The following SFTPB variants were observed in gnomAD, a reference collection of about 807,000 sequenced individuals.
SFTPB encodes pulmonary surfactant-associated protein B.
SFTPB carries 32 observed loss-of-function variants against 51.0 expected under a neutral mutation model. That is an observed-to-expected ratio of 0.63 (90% CI 0.47 to 0.84). The LOEUF is 0.84. Among genes scored for constraint, SFTPB ranks in the 40% least tolerant of loss-of-function variants. The probability of loss-of-function intolerance (pLI) is 0.00; values close to 1 mark genes in which losing one functional copy is unlikely to be tolerated. For missense variants in SFTPB, 431 were observed against 491.2 expected, an observed-to-expected ratio of 0.88 and a Z score of 1.16; for synonymous variants, 211 against 208.5, an observed-to-expected ratio of 1.01 and a Z score of -0.10.
In SFTPB at chr2:85,667,799, C is replaced by G. The variant is rs763238120; in HGVS notation, c.75G>C (p.Trp25Cys). The change falls in exon 2 of 11, where the codon TGG (tryptophan) becomes TGC (cysteine). Residue 25 changes from tryptophan (W) to cysteine (C), a missense_variant. Physicochemically the swap from Trp to Cys is radical, Grantham distance 215 (BLOSUM62 -2). Coordinates refer to ENST00000519937, the MANE Select transcript of SFTPB (RefSeq NM_000542.5). The part of the protein sequence containing the change: ...PTLCGPGTAA[W>C]TTSSLACAQG... ...GGGCACAGGCCAAGGATGAGGTGGT[C>G]CAGGCAGCTGTGGTTTGGGGCCAGA... The G allele has an allele frequency of 1.5e-5, 24 of 1,614,150 alleles. No individual in the cohort carries two copies. The South Asian group carries it at 2.6e-4, about 18-fold the overall frequency.
At chr2:85,668,093 G>C (rs1023285964) in intron 1 of SFTPB, 24 bp downstream of exon 1, 3 of 1,525,060 alleles carry the variant, frequency 2.0e-6, no homozygotes, top group African/African-American at 2.8e-5. Context: ...CTGCCTAGGA[G>C]AGGGGAGGCT....
chr2:85,660,513 G>A (rs541523331), intron 10 of SFTPB, among the ~76,000 whole-genome samples: 3 of 138,124 alleles, frequency 2.2e-5, no homozygotes, highest in Non-Finnish European at 3.0e-5. Flanking sequence ...GCAGTGGCAC[G>A]ATCTCGGCAC....
In SFTPB at chr2:85,663,666, G is replaced by A; in HGVS notation, c.854C>T (p.Pro285Leu). The A allele has an allele frequency of 6.2e-7, 1 of 1,610,926 alleles. No homozygotes were observed. Among genetic ancestry groups the A allele is most frequent in the Non-Finnish European group, 8.5e-7 (1 of 1,178,836 alleles). ...TAAGGAGTGGGCAGTGGGCTCACTTGGGCCAGCGCTGTCATCCATGGAGCA... is the reference window on the plus strand; with the variant it reads ...TAAGGAGTGGGCAGTGGGCTCACTTAGGCCAGCGCTGTCATCCATGGAGCA... ...LRCSMDDSAGPRSPTGEWLPR... is the reference protein window; with the variant it reads ...LRCSMDDSAGLRSPTGEWLPR... The change falls in exon 7 of 11, where the codon CCA (proline) becomes CTA (leucine). Residue 285 changes from proline to leucine, a missense_variant and splice_region_variant. Coordinates refer to ENST00000519937, the MANE Select transcript of SFTPB (RefSeq NM_000542.5).
chr2:85,661,978 G>T, intron 9 of SFTPB, 51 bp downstream of exon 9: 1 of 1,539,624 alleles, frequency 6.5e-7, no homozygotes, highest in Non-Finnish European at 8.8e-7. Context: ...AAGGGTGGGG[G>T]CTCTGGGAGC....
Position 85,665,681 on chromosome 2 carries a change from T to C in SFTPB, c.507A>G (p.Pro169=). The change falls in exon 5 of 11, where the codon CCA becomes CCG. Residue 169 remains proline (P), a synonymous_variant. Transcript: ENST00000519937. ...PLPKPLRDPL[P]DPLLDKLVLP... is the part of the protein sequence containing the mutation. ...GGACGAGCTTGTCCAGCAGAGGGTC[T>C]GGCAGAGGGTCCCGCAGAGGTTTGG... 1 of 1,614,086 alleles carries C rather than the reference T, an allele frequency of 6.2e-7. No individual in the cohort carries two copies. The highest frequency in any genetic ancestry group is 8.5e-7 in the Non-Finnish European group (1 of 1,180,032).
At chr2:85,666,494 TGTG>T in intron 4 of SFTPB, 120 bp downstream of exon 4, 1 of 123,622 alleles carries the variant, frequency 8.1e-6, no homozygotes, top group Non-Finnish European at 1.1e-5. Context: ...GCTTGGGTGC[TGTG>T]TGTGTGTGTG....
chr2:85,665,191 G>C, intron 6 of SFTPB, 98 bp downstream of exon 6: 3 of 942,958 alleles, frequency 3.2e-6, no homozygotes, highest in Non-Finnish European at 5.2e-6. Context: ...CAGCCAGCTG[G>C]GTCCTGACGG....
In SFTPB at chr2:85,663,190, C is replaced by T. The variant is rs377585696; in HGVS notation, c.1002+156G>A. Among the ~76,000 whole-genome samples the T allele has an allele frequency of 4.9e-4, 74 of 152,350 alleles. 2 individuals carry two copies. In the South Asian group the frequency reaches 0.011, roughly 22 times the overall value. ...TAACCTTTAGCAGGCTCTGCCCTAA[C>T]TTACAGTCCCACCATTGTCTGCCCC... On this transcript the variant is annotated intron_variant, in intron 8 of 10. Transcript: ENST00000519937.
Position 85,667,823 on chromosome 2 carries a change from G to A in SFTPB, c.68-17C>T, listed in dbSNP as rs571488978. On this transcript the variant is annotated splice_polypyrimidine_tract_variant and intron_variant, in intron 1 of 10. Transcript: ENST00000519937. The stretch of plus-strand genomic sequence containing the variant: ...TCCAGGCAGCTGTGGTTTGGGGCCA[G>A]AGCAACCTTAATCAGGATCCAGGCT... 705 of 1,614,258 alleles carry A rather than the reference G, an allele frequency of 4.4e-4. 7 individuals are homozygous for A. The South Asian group carries it at 7.3e-3, about 17-fold the overall frequency.
In SFTPB at chr2:85,665,632, G is replaced by A. The variant is rs1186450888; in HGVS notation, c.556C>T (p.Gln186Ter). ...TGTGTGTGAGGCCCAGGCCTCGCCT[G>A]GAGGGCCCCGGGCAGCACAGGGAGG... is the stretch of plus-strand genomic sequence containing the variant. ...LVLPVLPGAL[Q>*]ARPGPHTQDL... The change falls in exon 5 of 11, where the codon CAG (glutamine) becomes TAG (stop). Residue 186 changes from glutamine to a stop codon, truncating the protein, a stop_gained. Coordinates refer to ENST00000519937, the MANE Select transcript of SFTPB (RefSeq NM_000542.5). LOFTEE classifies it high-confidence loss of function. 2.5e-6 allele frequency: 4 copies of A among 1,613,910 alleles called. No homozygotes were observed. In the South Asian group the frequency reaches 4.4e-5, roughly 18 times the overall value.
Position 85,667,169 on chromosome 2 carries a change from T to C in SFTPB, c.204A>G (p.Leu68=), listed in dbSNP as rs770763661. 6 of 1,613,756 alleles carry C rather than the reference T, an allele frequency of 3.7e-6. No homozygotes were observed. The highest frequency in any genetic ancestry group is 5.1e-6 in the Non-Finnish European group (6 of 1,179,674). The change falls in exon 3 of 11, where the codon CTA becomes CTG. Residue 68 remains leucine, a synonymous_variant. Transcript: ENST00000519937. ...GGACGATGTCCTCACACTCTTGGCA[T>C]AGGTCATCCTGGGGAGGGAGGGGCC... is the stretch of plus-strand genomic sequence containing the variant. ...EVWGHVGADD[L]CQECEDIVHI...
At chr2:85,666,800 C>A in intron 3 of SFTPB, 58 bp from the exon 4 acceptor site, 3 of 1,610,746 alleles carry the variant, frequency 1.9e-6, no homozygotes, top group Non-Finnish European at 2.5e-6. Context: ...CCGCCCAAGT[C>A]CCTGGACACA....
chr2:85,661,377 G>T, intron 10 of SFTPB, 77 bp downstream of exon 10: 1 of 1,023,284 alleles, frequency 9.8e-7, no homozygotes, highest in East Asian at 2.6e-5. Flanking sequence ...TCCTGCTTGG[G>T]GAGCAGAAGG....
intron 6 of SFTPB, 114 bp downstream of exon 6, chr2:85,665,175 T>C (rs139793973): frequency 5.7e-6 from 5 of 872,900 alleles, no homozygotes; most frequent in African/African-American, 3.3e-5. Flanking sequence ...CCCTCCTAAC[T>C]TCTGGCAGCC....
intron 4 of SFTPB, 155 bp downstream of exon 4, chr2:85,666,462 G>T: frequency 1.5e-6 from 1 of 662,526 alleles, no homozygotes. Flanking sequence ...TGGCTGGGGT[G>T]CTGTGTGTTT....
rs35076740 is a variant in SFTPB at position 85,663,485 on chromosome 2, G to T, written c.863C>A (p.Pro288Gln). 1 of 1,613,778 alleles carries T rather than the reference G, an allele frequency of 6.2e-7. No individual in the cohort carries two copies. The highest frequency in any genetic ancestry group is 2.2e-5 in the East Asian group (1 of 44,858). ...SMDDSAGPRSPTGEWLPRDSE... is the reference protein window; with the variant it reads ...SMDDSAGPRSQTGEWLPRDSE... ...GTCTCGCGGCAGCCATTCTCCTGTCGGCGACCCTGGAGATGTGAGCATTAG... is the reference window on the plus strand; with the variant it reads ...GTCTCGCGGCAGCCATTCTCCTGTCTGCGACCCTGGAGATGTGAGCATTAG... Residue 288 changes from proline (P) to glutamine (Q), a missense_variant, in exon 8 of 11, where the codon CCG (proline) becomes CAG (glutamine). Transcript: ENST00000519937.
In SFTPB at chr2:85,659,198, A is replaced by G. The variant is rs1454348159; in HGVS notation, c.*504T>C. 6.6e-6 allele frequency: 1 copy of G among 151,946 alleles called. No homozygotes were observed. Among genetic ancestry groups the G allele is most frequent in the Non-Finnish European group, 1.5e-5 (1 of 68,006 alleles). The allele number at this position is 151,946 out of a possible 1,614,324, so 9.4% of individuals were successfully genotyped here. ...TTTTTTGAAAAAGCTTAACTTAACA[A>G]TTTCTGATGTCTATCTTTTAGAGTT... On this transcript the variant is annotated 3_prime_UTR_variant, in exon 11 of 11. Coordinates refer to ENST00000519937, the MANE Select transcript of SFTPB (RefSeq NM_000542.5).
chr2:85,664,258 G>A (rs972338359), intron 6 of SFTPB, among the ~76,000 whole-genome samples: 5 of 152,050 alleles, frequency 3.3e-5, no homozygotes, highest in Admixed American at 3.3e-4. Flanking sequence ...TTCTTCTTTA[G>A]TCTCCCCATC....
rs1273443412 is a variant in SFTPB at position 85,663,367 on chromosome 2, G to A, written c.981C>T (p.Gly327=). The A allele has an allele frequency of 1.2e-6, 2 of 1,613,144 alleles. No homozygotes were observed. Among genetic ancestry groups the A allele is most frequent in the East Asian group, 2.2e-5 (1 of 44,882 alleles). Residue 327 remains glycine (G), a synonymous_variant, in exon 8 of 11, where the codon GGC becomes GGT. Transcript: ENST00000519937. ...IPQAMLQACV[G]SWLDREKCKQ... is the part of the protein sequence containing the mutation. ...ATACCTTTTCCCTGTCCAGCCAGGA[G>A]CCAACACAGGCCTGGAGCATTGCCT... is the stretch of plus-strand genomic sequence containing the variant.
Sources: allele counts gnomAD v4.1 joint callset (sites outside exome capture counted in the v4.1 genomes callset), GRCh38; gene constraint gnomAD v4.1.1; transcripts MANE v1.5; gene names NCBI Gene and HGNC (gene_info 2026-07-23, HGNC 2026-07-21).